AKAP9: variants seen among roughly 807,000 people sequenced by gnomAD.
AKAP9 encodes A-kinase anchoring protein 9.
Under a neutral mutation model 488.5 loss-of-function variants are expected in AKAP9, and 311 were observed. The observed-to-expected ratio is 0.64, with a 90% CI of 0.58 to 0.70. The LOEUF (loss-of-function observed/expected upper bound fraction) is 0.70, where lower values mean the gene tolerates loss of function less well. AKAP9 is among the 30% of genes least tolerant of loss of function. The pLI is 0.00. For synonymous variants in AKAP9, 1,462 were observed against 1,483.5 expected (o/e 0.99, Z 0.33); for missense variants, 4,215 against 4,374.5 (o/e 0.96, Z 1.03).
intron 8 of AKAP9, among the ~76,000 whole-genome samples, chr7:92,003,710 G>GAA (rs959405247): frequency 6.7e-6 from 1 of 149,396 alleles, no homozygotes; most frequent in African/African-American, 2.5e-5. Context: ...TTTCCTGGGA[G>GAA]AAAAAAAAAC....
intron 8 of AKAP9, among the ~76,000 whole-genome samples, chr7:92,005,674 G>A (rs1251461330): frequency 1.3e-5 from 2 of 151,824 alleles, no homozygotes; most frequent in Non-Finnish European, 2.9e-5. Flanking sequence ...TTTTTTGTTT[G>A]TTTGTTTTTG....
Position 91,994,584 on chromosome 7 carries a change from A to T in AKAP9, c.577-37A>T, listed in dbSNP as rs1173155750. The T allele has an allele frequency of 4.0e-6, 6 of 1,514,432 alleles. No individual in the cohort carries two copies. The African/African-American group carries it at 4.3e-5, about 11-fold the overall frequency. The allele number at this position is 1,514,432 out of a possible 1,614,324, so 93.8% of individuals were successfully genotyped here. ...AAGTTACCTGTAATAATAGTCAATT[A>T]AAAAAAATAAATCTAGCACTTACTA... is the stretch of plus-strand genomic sequence containing the variant. On this transcript the variant is annotated intron_variant, in intron 5 of 49. Transcript: ENST00000356239.
intron 20 of AKAP9, chr7:92,043,383 A>G (rs1356599740): frequency 1.1e-6 from 1 of 933,162 alleles, no homozygotes; most frequent in East Asian, 1.2e-4. Context: ...ACAGTGTATG[A>G]AAATTAGAGT....
intron 38 of AKAP9, 44 bp downstream of exon 38, chr7:92,089,573 A>C: frequency 6.3e-7 from 1 of 1,593,060 alleles, no homozygotes; most frequent in Middle Eastern, 1.7e-4. Context: ...AACAGGTGAA[A>C]AGATTTCACT....
rs763748052 is a variant in AKAP9 at position 92,038,447 on chromosome 7, C to A, written c.4367C>A (p.Ala1456Asp). ...ATTGTGTCAATGAGTATAGCATTTG[C>A]TCAACAAACTGAACTGTCTAGAATA... ...KVIVSMSIAF[A>D]QQTELSRISG... The change falls in exon 17 of 50, where the codon GCT becomes GAT. Residue 1456 changes from alanine (A) to aspartate (D), a missense_variant. Ala to Asp is a moderately radical substitution (Grantham distance 126). Coordinates refer to ENST00000356239, the MANE Select transcript of AKAP9 (RefSeq NM_005751.5). The A allele has an allele frequency of 2.5e-6, 4 of 1,613,468 alleles. No individual in the cohort carries two copies. Among genetic ancestry groups the A allele is most frequent in the African/African-American group, 1.3e-5 (1 of 74,866 alleles).
chr7:92,096,759 A>T lies in AKAP9; in HGVS notation c.9800A>T (p.Lys3267Ile). The change falls in exon 41 of 50, where the codon AAA becomes ATA. Residue 3267 changes from lysine to isoleucine, a missense_variant. Physicochemically the swap from Lys to Ile is moderately radical, Grantham distance 102. Transcript: ENST00000356239. ...LQLNLLLEQQ[K>I]QLLNESQQKI... ...CTAAATCTACTTTTGGAACAACAGA[A>T]ACAACTACTGAACGAATCCCAGCAA... 3 of 1,614,256 alleles carry T rather than the reference A, an allele frequency of 1.9e-6. No individual in the cohort carries two copies. Among genetic ancestry groups the T allele is most frequent in the Non-Finnish European group, 2.5e-6 (3 of 1,180,046 alleles).
At chr7:92,064,694 C>G (rs1233300594) in intron 24 of AKAP9, among the ~76,000 whole-genome samples, 1 of 152,156 alleles carries the variant, frequency 6.6e-6, no homozygotes, top group Non-Finnish European at 1.5e-5. Flanking sequence ...GAATATGGAT[C>G]TAATAAGGAG....
In AKAP9 at chr7:92,002,765, C is replaced by T. The variant is rs1489911985; in HGVS notation, c.2848C>T (p.Arg950Ter). 3.1e-6 allele frequency: 5 copies of T among 1,613,510 alleles called. No homozygotes were observed. Among genetic ancestry groups the T allele is most frequent in the South Asian group, 1.1e-5 (1 of 91,042 alleles). Residue 950 changes from arginine to a stop codon, truncating the protein, a stop_gained, in exon 8 of 50, where the codon CGA becomes TGA. Transcript: ENST00000356239. LOFTEE classifies it high-confidence loss of function. ...ELMEKLEVTK[R>*]EKLELSQRLS... is the part of the protein sequence containing the mutation. ...CATGGAAAAACTTGAGGTAACCAAG[C>T]GAGAGAAATTAGAGCTGTCACAGAG...
At chr7:92,060,881 T>TA (rs1809641689) in intron 22 of AKAP9, among the ~76,000 whole-genome samples, 1 of 152,152 alleles carries the variant, frequency 6.6e-6, no homozygotes, top group South Asian at 2.1e-4. Flanking sequence ...AGAAGAAAGT[T>TA]TATCATAGAC....
At chr7:92,054,448 C>T (rs762450531) in intron 22 of AKAP9, among the ~76,000 whole-genome samples, 2 of 151,826 alleles carry the variant, frequency 1.3e-5, no homozygotes, top group Non-Finnish European at 2.9e-5. Flanking sequence ...AGGAAAATAG[C>T]TTTGTACAGG....
At chr7:92,062,529 A>T (rs758487129) in intron 24 of AKAP9, 43 bp downstream of exon 24, 1 of 1,557,192 alleles carries the variant, frequency 6.4e-7, no homozygotes, top group South Asian at 1.1e-5. Flanking sequence ...CTCTGATTTT[A>T]TTTGTATTCT....
chr7:92,093,652 A>G (rs11982213), intron 39 of AKAP9, among the ~76,000 whole-genome samples: 61,207 of 151,874 alleles, frequency 0.4, 12,672 homozygotes, highest in African/African-American at 0.47. Flanking sequence ...AATATGCAAA[A>G]TATTTGAAGA....
At chr7:92,061,551 T>C (rs1809791545) in intron 23 of AKAP9, 129 bp downstream of exon 23, 1 of 786,140 alleles carries the variant, frequency 1.3e-6, no homozygotes, top group African/African-American at 1.9e-5. Flanking sequence ...ACTTGTGGTT[T>C]ATCTTCAGAG....
At chr7:91,992,537 G>A (rs1037630191) in intron 4 of AKAP9, among the ~76,000 whole-genome samples, 63 of 151,678 alleles carry the variant, frequency 4.2e-4, no homozygotes, top group African/African-American at 1.3e-3. Flanking sequence ...GGTGGCAGCC[G>A]CCTGTAGTCC....
At chr7:92,070,849 C>T (rs1337878202) in intron 27 of AKAP9, 56 bp from the exon 28 acceptor site, 1 of 704,182 alleles carries the variant, frequency 1.4e-6, no homozygotes, top group Non-Finnish European at 2.1e-6. Flanking sequence ...CAAAAAAAAA[C>T]TGGATAATCA....
intron 1 of AKAP9, among the ~76,000 whole-genome samples, chr7:91,947,992 G>A (rs1444230801): frequency 2.0e-5 from 3 of 152,046 alleles, no homozygotes; most frequent in South Asian, 2.1e-4. Context: ...AATCACCAAC[G>A]CACTCTCTGG....
chr7:92,003,704 C>G (rs1461638055), intron 8 of AKAP9, among the ~76,000 whole-genome samples: 2 of 151,046 alleles, frequency 1.3e-5, no homozygotes, highest in African/African-American at 4.9e-5. Context: ...TTATATTTTC[C>G]TGGGAGAAAA....
At chr7:92,011,550 T>C (rs924253760) in intron 8 of AKAP9, among the ~76,000 whole-genome samples, 2 of 152,074 alleles carry the variant, frequency 1.3e-5, no homozygotes, top group African/African-American at 4.8e-5. Context: ...AAGTAAATAC[T>C]CAAGAATAAT....
At chr7:92,028,869 T>C (rs1406425081) in intron 14 of AKAP9, among the ~76,000 whole-genome samples, 1 of 152,048 alleles carries the variant, frequency 6.6e-6, no homozygotes. Context: ...AGATCTGTAT[T>C]ATAGCATTGT....
Sources: gnomAD v4.1 joint callset for allele counts (sites outside exome capture counted in the v4.1 genomes callset) on GRCh38, gnomAD v4.1.1 for gene constraint, MANE v1.5 for transcripts, NCBI Gene and HGNC (gene_info 2026-07-23, HGNC 2026-07-21) for gene names.